Variants in ALK observed in about 807,000 individuals in gnomAD.
ALK encodes ALK tyrosine kinase receptor.
In ALK, 74 loss-of-function variants were observed where a neutral mutation model predicts 163.1. The observed-to-expected ratio is 0.45, with a 90% confidence interval of 0.38 to 0.55. The LOEUF is 0.55. Among genes scored for constraint, ALK ranks in the 20% least tolerant of loss-of-function variants. The pLI is 0.00. For synonymous variants in ALK, 960 were observed against 843.2 expected, an observed-to-expected ratio of 1.14 and a Z score of -2.40; for missense variants, 2,063 against 2,105.3, an observed-to-expected ratio of 0.98 and a Z score of 0.39.
chr2:29,471,723 C>T (rs1018823414), intron 4 of ALK, among the ~76,000 whole-genome samples: 22 of 148,474 alleles, frequency 1.5e-4, no homozygotes, highest in African/African-American at 4.4e-4. Flanking sequence ...GGCAATGATG[C>T]TAAATAACTT....
At position 29,193,673 on chromosome 2, in the gene ALK, C is replaced by A; in HGVS notation, c.4414G>T (p.Glu1472Ter). The A allele has an allele frequency of 6.2e-7, 1 of 1,614,062 alleles. No homozygotes were observed. Among genetic ancestry groups the A allele is most frequent in the Non-Finnish European group, 8.5e-7 (1 of 1,179,892 alleles). ...AATGCCATATTCACGTGTCCCCCTT[C>A]CACGGCCGGCCCTCTAGGGACTCGA... ...SVRVPRGPAV[E>*]GGHVNMAFSQ... The change falls in exon 29 of 29, where the codon GAA (glutamate) becomes TAA (stop). Residue 1472 changes from glutamate (E) to a stop codon, truncating the protein, a stop_gained. Coordinates refer to ENST00000389048, the MANE Select transcript of ALK (RefSeq NM_004304.5). LOFTEE classifies it low-confidence loss of function (END_TRUNC).
intron 1 of ALK, among the ~76,000 whole-genome samples, chr2:29,894,547 G>GA (rs955197193): frequency 1.3e-5 from 2 of 151,848 alleles, no homozygotes; most frequent in Admixed American, 6.6e-5. Context: ...GGGGAGCAGG[G>GA]AAAAAAACTA....
intron 3 of ALK, among the ~76,000 whole-genome samples, chr2:29,606,540 A>AGACCTGGGTGTCTCT (rs1341022860): frequency 6.6e-6 from 1 of 152,260 alleles, no homozygotes; most frequent in Admixed American, 6.5e-5. Flanking sequence ...CCCTGTGGAC[A>AGACCTGGGTGTCTCT]GACCTGGGTG....
chr2:29,733,592 T>G (rs950528192), intron 1 of ALK, among the ~76,000 whole-genome samples: 5 of 152,152 alleles, frequency 3.3e-5, no homozygotes, highest in African/African-American at 1.2e-4. Context: ...CATAAGAGAG[T>G]GCTTATGAAG....
intron 4 of ALK, among the ~76,000 whole-genome samples, chr2:29,436,061 A>C (rs1670387774): frequency 6.6e-6 from 1 of 152,154 alleles, no homozygotes; most frequent in African/African-American, 2.4e-5. Flanking sequence ...AGTATCAAGC[A>C]AATGATACTG....
chr2:29,921,466 G>T lies in ALK; in HGVS notation c.-807C>A, dbSNP rs1414245047. 1 of 232,062 alleles carries T rather than the reference G, an allele frequency of 4.3e-6. No homozygotes were observed. The highest frequency in any genetic ancestry group is 1.8e-4 in the South Asian group (1 of 5,524). 14.4% of individuals were successfully genotyped at this position (232,062 alleles called of 1,614,324 possible). On this transcript the variant is annotated 5_prime_UTR_variant, in exon 1 of 29. Coordinates refer to ENST00000389048, the MANE Select transcript of ALK (RefSeq NM_004304.5). ...ACCCATCATCAGCGCCCGCGGCTTT[G>T]GGTGGCCGACCAGAGGGCGGCCGGA... is the stretch of plus-strand genomic sequence containing the variant.
chr2:29,575,689 T>C (rs566032658), intron 3 of ALK, among the ~76,000 whole-genome samples: 1 of 152,300 alleles, frequency 6.6e-6, no homozygotes, highest in East Asian at 1.9e-4. Flanking sequence ...CAGCGCCTGA[T>C]TTTGCAGAGA....
intron 3 of ALK, among the ~76,000 whole-genome samples, chr2:29,573,376 G>C (rs1290501182): frequency 6.6e-6 from 1 of 152,202 alleles, no homozygotes; most frequent in East Asian, 1.9e-4. Context: ...TGGCATCAAG[G>C]CCAAATCCAG....
At chr2:29,919,487 C>T (rs546153985) in intron 1 of ALK, among the ~76,000 whole-genome samples, 21 of 152,202 alleles carry the variant, frequency 1.4e-4, no homozygotes, top group African/African-American at 5.1e-4. Flanking sequence ...GCAATACCTG[C>T]CCAAGCCAAC....
At chr2:29,379,013 C>T (rs769192627) in intron 5 of ALK, among the ~76,000 whole-genome samples, 2 of 152,156 alleles carry the variant, frequency 1.3e-5, no homozygotes, top group African/African-American at 2.4e-5. Context: ...ACGCCTGGCA[C>T]ACTGGTCCTT....
chr2:29,521,159 T>C lies in ALK; in HGVS notation c.1154+10756A>G, dbSNP rs1448170348. Among the ~76,000 whole-genome samples the C allele has an allele frequency of 2.0e-5, 3 of 152,220 alleles. No individual in the cohort carries two copies. The East Asian group carries it at 5.8e-4, about 29-fold the overall frequency. On this transcript the variant is annotated intron_variant, in intron 4 of 28. Transcript: ENST00000389048. ...GGTCTTTCCTTAGACTCCCATTATG[T>C]GTGCATCATTTGAGCTAAGTTGCCC...
intron 6 of ALK, among the ~76,000 whole-genome samples, chr2:29,327,117 G>A (rs966478761): frequency 2.0e-5 from 3 of 152,248 alleles, no homozygotes; most frequent in African/African-American, 7.2e-5. Flanking sequence ...CAAGGGCTCT[G>A]CGGTGATTAC....
chr2:29,635,903 T>C (rs1676510304), intron 3 of ALK, among the ~76,000 whole-genome samples: 1 of 152,066 alleles, frequency 6.6e-6, no homozygotes. Flanking sequence ...AGTGCTGGGA[T>C]TACAGGCATG....
intron 5 of ALK, among the ~76,000 whole-genome samples, chr2:29,362,951 C>G (rs924450978): frequency 2.7e-4 from 41 of 152,102 alleles, no homozygotes; most frequent in African/African-American, 9.7e-4. Flanking sequence ...ACAGTAACTC[C>G]CCATCTAGTA....
Position 29,226,409 on chromosome 2 carries a change from C to T in ALK, c.3067+513G>A, listed in dbSNP as rs186998497. Among the ~76,000 whole-genome samples the T allele has an allele frequency of 1.9e-3, 258 of 138,960 alleles. 1 individual carries two copies. Among genetic ancestry groups the T allele is most frequent in the African/African-American group, 6.8e-3 (247 of 36,548 alleles). The allele number at this position is 138,960 out of a possible 152,430, so 91.2% of individuals were successfully genotyped here. ...AGAAGAATTGTTTGAACCTGGGAAG[C>T]GGAGGTTGCAGTGAGCCGAGACCAC... On this transcript the variant is annotated intron_variant, in intron 18 of 28. Transcript: ENST00000389048.
Position 29,197,647 on chromosome 2 carries a change from A to C in ALK, c.3968T>G (p.Phe1323Cys), listed in dbSNP as rs1204438156. 1.2e-6 allele frequency: 2 copies of C among 1,613,910 alleles called. No homozygotes were observed. Among genetic ancestry groups the C allele is most frequent in the Non-Finnish European group, 1.7e-6 (2 of 1,179,998 alleles). ...WSFGVLLWEI[F>C]SLGYMPYPSK... The stretch of plus-strand genomic sequence containing the variant: ...GGGGTATGGCATATATCCAAGAGAA[A>C]AGATTTCCCATAGCAGCACTCCAAA... The change falls in exon 27 of 29, where the codon TTT (phenylalanine) becomes TGT (cysteine). Residue 1323 changes from phenylalanine to cysteine, a missense_variant. Around this residue, in one of 5 missense-constraint regions of ALK, gnomAD observed 83 missense variants for 139.7 expected, o/e 0.59. Coordinates refer to ENST00000389048, the MANE Select transcript of ALK (RefSeq NM_004304.5).
At chr2:29,692,349 A>G (rs1329078222) in intron 3 of ALK, among the ~76,000 whole-genome samples, 3 of 152,160 alleles carry the variant, frequency 2.0e-5, no homozygotes, top group African/African-American at 7.2e-5. Flanking sequence ...TGACCCTCTC[A>G]CCCAGCAATT....
intron 4 of ALK, among the ~76,000 whole-genome samples, chr2:29,406,763 G>C (rs1669594159): frequency 6.6e-6 from 1 of 151,998 alleles, no homozygotes; most frequent in Non-Finnish European, 1.5e-5. Context: ...AGCTGGGCAT[G>C]GTGGTGCACT....
At chr2:29,764,442 G>T (rs889743254) in intron 1 of ALK, among the ~76,000 whole-genome samples, 2 of 152,182 alleles carry the variant, frequency 1.3e-5, no homozygotes, top group Non-Finnish European at 2.9e-5. Flanking sequence ...ACAAATATCA[G>T]TGAACGTCCC....
Sources: gnomAD v4.1 joint callset for allele counts (sites outside exome capture counted in the v4.1 genomes callset) on GRCh38, gnomAD v4.1.1 for gene constraint, gnomAD v4.1.1 regional missense constraint, MANE v1.5 for transcripts, NCBI Gene and HGNC (gene_info 2026-07-23, HGNC 2026-07-21) for gene names.